The following RPH3AL variants were observed in gnomAD, a reference collection of about 807,000 sequenced individuals.
RPH3AL encodes the protein rab effector Noc2.
Under a neutral mutation model 43.1 loss-of-function variants are expected in RPH3AL, and 38 were observed. That is an observed-to-expected ratio of 0.88 (90% CI 0.68 to 1.15). The LOEUF (loss-of-function observed/expected upper bound fraction) is 1.15. Ranked by LOEUF, RPH3AL falls within the 50% of genes most tolerant of loss-of-function variation. RPH3AL has a pLI of 0.00. For synonymous variants in RPH3AL, 189 were observed against 176.3 expected (o/e 1.07, Z -0.57); for missense variants, 462 against 423.2 (o/e 1.09, Z -0.81).
At chr17:239,166 G>A (rs1380720793) in intron 7 of RPH3AL, among the ~76,000 whole-genome samples, 2 of 152,222 alleles carry the variant, frequency 1.3e-5, no homozygotes, top group Non-Finnish European at 2.9e-5. Flanking sequence ...GCGTCCAGGG[G>A]AGGGAGAGAG....
At chr17:336,364 TGCAG>T (rs1157588356) in intron 1 of RPH3AL, among the ~76,000 whole-genome samples, 2 of 152,142 alleles carry the variant, frequency 1.3e-5, no homozygotes, top group African/African-American at 4.8e-5. Context: ...TCGGAAGCGT[TGCAG>T]GCTGACTATG....
intron 7 of RPH3AL, among the ~76,000 whole-genome samples, chr17:243,502 T>C (rs1341488879): frequency 6.8e-6 from 1 of 147,710 alleles, no homozygotes. Context: ...CCTTCCTCTA[T>C]TGATTACCTT....
At chr17:219,562 G>A (rs1485311288) in intron 8 of RPH3AL, 61 bp downstream of exon 8, 2 of 403,590 alleles carry the variant, frequency 5.0e-6, no homozygotes, top group East Asian at 4.5e-5. Context: ...TTTCGCTCCT[G>A]TTGCCCAGGC....
At chr17:279,243 A>G (rs1163821493) in intron 6 of RPH3AL, among the ~76,000 whole-genome samples, 1 of 152,208 alleles carries the variant, frequency 6.6e-6, no homozygotes, top group Non-Finnish European at 1.5e-5. Flanking sequence ...ACAAGCAGGC[A>G]GAAAAATCCA....
chr17:315,597 C>T (rs954788223), intron 5 of RPH3AL, among the ~76,000 whole-genome samples: 54 of 149,922 alleles, frequency 3.6e-4, no homozygotes, highest in Non-Finnish European at 5.0e-4. Flanking sequence ...CCCTGTGCTC[C>T]ACCTCCACTG....
intron 7 of RPH3AL, among the ~76,000 whole-genome samples, chr17:229,162 G>A (rs1325636845): frequency 6.6e-6 from 1 of 152,166 alleles, no homozygotes; most frequent in Admixed American, 6.5e-5. Flanking sequence ...CCAATGGAAA[G>A]AAGCAGGGAA....
At chr17:263,880 G>C (rs782368827) in intron 6 of RPH3AL, among the ~76,000 whole-genome samples, 4 of 152,170 alleles carry the variant, frequency 2.6e-5, no homozygotes, top group Non-Finnish European at 4.4e-5. Context: ...TAACCGCCCG[G>C]AGTCGGAATT....
At chr17:262,779 C>G (rs1270318731) in intron 6 of RPH3AL, among the ~76,000 whole-genome samples, 1 of 152,180 alleles carries the variant, frequency 6.6e-6, no homozygotes, top group African/African-American at 2.4e-5. Flanking sequence ...TTCCCCCTGC[C>G]CTAAATCAGT....
At chr17:316,716 G>T (rs1271948932) in intron 5 of RPH3AL, among the ~76,000 whole-genome samples, 2 of 146,606 alleles carry the variant, frequency 1.4e-5, no homozygotes, top group African/African-American at 2.6e-5. Flanking sequence ...TGTAGTCTCT[G>T]TGCCCCACCT....
rs748787462 is a variant in RPH3AL, at chr17:247,292, G to C, written c.439-7C>G. ...CCCCCGACCTCTTCCAGACCTGAGT[G>C]GGGGAAGAGAGCTGCTTGGGGCACA... On this transcript the variant is annotated splice_polypyrimidine_tract_variant and splice_region_variant and intron_variant, in intron 6 of 9. Coordinates refer to ENST00000331302, the MANE Select transcript of RPH3AL (RefSeq NM_006987.4). 9 of 1,561,972 alleles carry C rather than the reference G, an allele frequency of 5.8e-6. No homozygotes were observed. The highest frequency in any genetic ancestry group is 2.4e-5 in the South Asian group (2 of 83,312).
intron 7 of RPH3AL, among the ~76,000 whole-genome samples, chr17:224,098 T>A (rs35147390): frequency 0.12 from 18,693 of 152,270 alleles, 1,218 homozygotes; most frequent in Non-Finnish European, 0.14. Context: ...CTCACCATTG[T>A]CACTGCCTTA....
chr17:350,730 A>G (rs768781613), intron 1 of RPH3AL, among the ~76,000 whole-genome samples: 5 of 152,222 alleles, frequency 3.3e-5, no homozygotes, highest in Admixed American at 6.5e-5. Context: ...ACTTCTCTGC[A>G]CTAAAAGGAT....
At chr17:276,306 C>T (rs1005583339) in intron 6 of RPH3AL, among the ~76,000 whole-genome samples, 2 of 152,174 alleles carry the variant, frequency 1.3e-5, no homozygotes, top group African/African-American at 4.8e-5. Flanking sequence ...GGGTTCTTTT[C>T]CAAATTTGCT....
chr17:312,324 G>A (rs553389696), intron 5 of RPH3AL, among the ~76,000 whole-genome samples: 1 of 152,060 alleles, frequency 6.6e-6, no homozygotes, highest in South Asian at 2.1e-4. Flanking sequence ...AAGAGGAGGA[G>A]GAGAGACTAG....
At chr17:316,449 T>C (rs1248346044) in intron 5 of RPH3AL, among the ~76,000 whole-genome samples, 47 of 107,088 alleles carry the variant, frequency 4.4e-4, no homozygotes, top group Admixed American at 8.9e-4. Flanking sequence ...GTCTCTGTGC[T>C]CCACCTCCAC....
At chr17:271,125 A>G (rs1327393050) in intron 6 of RPH3AL, among the ~76,000 whole-genome samples, 28 of 152,048 alleles carry the variant, frequency 1.8e-4, no homozygotes. Flanking sequence ...GTTGTGTTCC[A>G]TTGGTCTATA....
intron 6 of RPH3AL, among the ~76,000 whole-genome samples, chr17:269,500 G>C (rs908934732): frequency 1.3e-5 from 2 of 152,182 alleles, no homozygotes; most frequent in Non-Finnish European, 2.9e-5. Context: ...GTGAACATTA[G>C]AGGAATAAGT....
intron 7 of RPH3AL, among the ~76,000 whole-genome samples, chr17:243,695 T>C (rs2041653314): frequency 1.3e-5 from 2 of 150,806 alleles, no homozygotes; most frequent in African/African-American, 4.9e-5. Flanking sequence ...CCTTCCTCTA[T>C]TGACTACCTT....
At chr17:233,064 A>G (rs563579363) in intron 7 of RPH3AL, among the ~76,000 whole-genome samples, 1 of 151,818 alleles carries the variant, frequency 6.6e-6, no homozygotes, top group East Asian at 1.9e-4. Context: ...GCACTTAGTG[A>G]GCGCTTATCA....
Sources: allele counts gnomAD v4.1 joint callset (sites outside exome capture counted in the v4.1 genomes callset), GRCh38; gene constraint gnomAD v4.1.1; transcripts MANE v1.5; gene names NCBI Gene and HGNC (gene_info 2026-07-23, HGNC 2026-07-21).